Variants in KCNMA1 observed in about 807,000 individuals in gnomAD.
KCNMA1 encodes the protein Calcium-activated potassium channel subunit alpha-1.
In KCNMA1, 29 loss-of-function variants were observed where a neutral mutation model predicts 140.0. The ratio of observed to expected loss-of-function variants is 0.21; its 90% CI spans 0.15 to 0.28. KCNMA1 has a LOEUF of 0.28. Ranked by LOEUF, KCNMA1 falls within the 10% of genes least tolerant of loss-of-function variation. KCNMA1 has a pLI of 1.00. For synonymous variants in KCNMA1, 612 were observed against 611.9 expected, an observed-to-expected ratio of 1.00 and a Z score of 0.00; for missense variants, 880 against 1,602.2, an observed-to-expected ratio of 0.55 and a Z score of 7.70.
At chr10:77,238,495 G>A (rs1158524562) in intron 3 of KCNMA1, among the ~76,000 whole-genome samples, 1 of 152,164 alleles carries the variant, frequency 6.6e-6, no homozygotes, top group Non-Finnish European at 1.5e-5. Flanking sequence ...CCCTTTTAGT[G>A]TTGTCTGTTA....
At chr10:77,370,653 T>C (rs1440244369) in intron 2 of KCNMA1, among the ~76,000 whole-genome samples, 1 of 152,042 alleles carries the variant, frequency 6.6e-6, no homozygotes, top group African/African-American at 2.4e-5. Flanking sequence ...CCTGAAGAAG[T>C]TTCCCCTCTT....
chr10:77,582,043 T>G (rs1200627664), intron 1 of KCNMA1, among the ~76,000 whole-genome samples: 1 of 152,062 alleles, frequency 6.6e-6, no homozygotes, highest in Non-Finnish European at 1.5e-5. Context: ...AGCTCTGAGG[T>G]TCCAATATAC....
At chr10:77,176,520 G>A (rs1212304823) in intron 5 of KCNMA1, among the ~76,000 whole-genome samples, 1 of 152,010 alleles carries the variant, frequency 6.6e-6, no homozygotes, top group Non-Finnish European at 1.5e-5. Context: ...CTTCAATAAG[G>A]CTCTCCCCAA....
chr10:77,323,703 G>A lies in KCNMA1; in HGVS notation c.541-72447C>T, dbSNP rs904317679. Among the ~76,000 whole-genome samples the A allele has an allele frequency of 6.6e-5, 10 of 152,304 alleles. No homozygotes were observed. In the East Asian group the frequency reaches 1.7e-3, roughly 26 times the overall value. On this transcript the variant is annotated intron_variant, in intron 2 of 27. Coordinates refer to ENST00000286628, the MANE Select transcript of KCNMA1 (RefSeq NM_001161352.2). ...AGATAAGTTACATTGTATATGAGAT[G>A]TATTTATATGCATTTTCTACTTCTC...
chr10:76,970,326 T>G, intron 19 of KCNMA1: 1 of 123,484 alleles, frequency 8.1e-6, no homozygotes, highest in Non-Finnish European at 1.4e-5. Flanking sequence ...CACCCTGCCA[T>G]AAGAAAAAAA....
intron 21 of KCNMA1, 59 bp from the exon 22 acceptor site, chr10:76,949,425 G>A (rs1352611550): frequency 3.0e-6 from 4 of 1,332,930 alleles, no homozygotes; most frequent in East Asian, 2.4e-5. Flanking sequence ...CTGTTGTAAG[G>A]AGTGAAATAA....
chr10:77,465,690 C>A (rs1449604073), intron 1 of KCNMA1, among the ~76,000 whole-genome samples: 1 of 152,196 alleles, frequency 6.6e-6, no homozygotes, highest in Non-Finnish European at 1.5e-5. Flanking sequence ...GGGCTCCCTC[C>A]AACATAGACT....
intron 2 of KCNMA1, among the ~76,000 whole-genome samples, chr10:77,383,152 C>G (rs1469719325): frequency 6.6e-6 from 1 of 151,634 alleles, no homozygotes; most frequent in Non-Finnish European, 1.5e-5. Flanking sequence ...TTCCATCCCC[C>G]TCCCTCATTC....
chr10:77,103,491 G>A (rs530029472), intron 9 of KCNMA1, among the ~76,000 whole-genome samples: 84 of 152,234 alleles, frequency 5.5e-4, no homozygotes, highest in Non-Finnish European at 1.1e-3. Context: ...AAGGGAACAG[G>A]TGGTTCCATC....
At chr10:77,012,496 C>G in intron 17 of KCNMA1, 2 of 1,550,238 alleles carry the variant, frequency 1.3e-6, no homozygotes, top group South Asian at 2.4e-5. Context: ...ATAAAAATAT[C>G]AAGCTTGTCA....
chr10:77,339,180 A>G (rs1437729442), intron 2 of KCNMA1, among the ~76,000 whole-genome samples: 3 of 140,032 alleles, frequency 2.1e-5, no homozygotes, highest in Admixed American at 7.0e-5. Context: ...GCAATAAAGG[A>G]AAAAAAAAAG....
At chr10:77,440,499 C>T (rs147577526) in intron 1 of KCNMA1, among the ~76,000 whole-genome samples, 1,607 of 152,266 alleles carry the variant, frequency 0.011, 27 homozygotes, top group African/African-American at 0.036. Flanking sequence ...CTCTGACCTC[C>T]AGGAAGACTC....
chr10:77,606,960 A>G (rs1286030653), intron 1 of KCNMA1, among the ~76,000 whole-genome samples: 1 of 152,090 alleles, frequency 6.6e-6, no homozygotes, highest in Admixed American at 6.5e-5. Context: ...CTCCCTCTCC[A>G]TGACTCAGTT....
At chr10:76,898,840 T>C (rs1194470018) in intron 25 of KCNMA1, among the ~76,000 whole-genome samples, 2 of 151,914 alleles carry the variant, frequency 1.3e-5, no homozygotes, top group African/African-American at 2.4e-5. Flanking sequence ...AAATTAAGTA[T>C]TAAAAGAATT....
At chr10:77,196,135 T>C (rs766043352) in intron 3 of KCNMA1, among the ~76,000 whole-genome samples, 3 of 152,118 alleles carry the variant, frequency 2.0e-5, no homozygotes, top group Non-Finnish European at 2.9e-5. Context: ...TCTCTAGAGA[T>C]GTTATTCCTA....
intron 1 of KCNMA1, among the ~76,000 whole-genome samples, chr10:77,462,670 C>T (rs664053): frequency 0.57 from 87,125 of 152,082 alleles, 27,085 homozygotes; most frequent in African/African-American, 0.82. Context: ...AGGGACTGTG[C>T]CCTGGGCTCT....
intron 1 of KCNMA1, among the ~76,000 whole-genome samples, chr10:77,463,515 G>A (rs1331125800): frequency 6.6e-6 from 1 of 152,188 alleles, no homozygotes; most frequent in African/African-American, 2.4e-5. Flanking sequence ...CCTCCCTGAT[G>A]AGCAGAGAGG....
intron 17 of KCNMA1, among the ~76,000 whole-genome samples, chr10:77,016,904 T>C (rs753675616): frequency 2.0e-5 from 3 of 152,198 alleles, no homozygotes; most frequent in Non-Finnish European, 4.4e-5. Flanking sequence ...ATCATCATAA[T>C]CTACTTTTCC....
intron 1 of KCNMA1, among the ~76,000 whole-genome samples, chr10:77,511,563 T>C (rs1451809129): frequency 3.9e-5 from 6 of 152,144 alleles, no homozygotes; most frequent in South Asian, 4.1e-4. Context: ...GGAGAGAAAA[T>C]CATGGCAATG....
Sources: gnomAD v4.1 joint callset for allele counts (sites outside exome capture counted in the v4.1 genomes callset) on GRCh38, gnomAD v4.1.1 for gene constraint, MANE v1.5 for transcripts, NCBI Gene and HGNC (gene_info 2026-07-23, HGNC 2026-07-21) for gene names.